DBT: variants seen among roughly 807,000 people sequenced by gnomAD.
DBT encodes lipoamide acyltransferase component of branched-chain alpha-keto acid dehydrogenase complex, mitochondrial.
In DBT, 40 loss-of-function variants were observed where a neutral mutation model predicts 51.3. That is an observed-to-expected ratio of 0.78 (90% CI 0.61 to 1.02). DBT has a LOEUF of 1.02. DBT is among the 50% of genes least tolerant of loss of function. The pLI, the probability that DBT is intolerant of heterozygous loss-of-function variation, is 0.00. For missense variants in DBT, 510 were observed against 580.2 expected, an observed-to-expected ratio of 0.88 and a Z score of 1.24; for synonymous variants, 181 against 190.4, an observed-to-expected ratio of 0.95 and a Z score of 0.41.
chr1:100,190,807 G>C lies in DBT; in HGVS notation c.*5448C>G, dbSNP rs1280724353. The C allele has an allele frequency of 6.6e-6, 1 of 152,326 alleles. No homozygotes were observed. Among genetic ancestry groups the C allele is most frequent in the Non-Finnish European group, 1.5e-5 (1 of 68,032 alleles). 9.4% of individuals were successfully genotyped at this position (152,326 alleles called of 1,614,324 possible). On this transcript the variant is annotated 3_prime_UTR_variant, in exon 11 of 11. Transcript: ENST00000370132. ...GATTGAATCACTTTGTCTGCTCTGA[G>C]GTTATTTGCTTATTATGACAAGCCT...
chr1:100,238,551 A>C (rs1014468157), intron 2 of DBT, among the ~76,000 whole-genome samples: 1 of 150,730 alleles, frequency 6.6e-6, no homozygotes, highest in Non-Finnish European at 1.5e-5. Flanking sequence ...GCTGGAGGGC[A>C]GTGGCATGAT....
At chr1:100,202,253 G>A (rs1378080675) in intron 10 of DBT, among the ~76,000 whole-genome samples, 1 of 151,754 alleles carries the variant, frequency 6.6e-6, no homozygotes, top group African/African-American at 2.4e-5. Context: ...AAAAAGCAGG[G>A]GTTGCAATCC....
intron 1 of DBT, chr1:100,248,981 T>C: frequency 2.5e-6 from 1 of 392,586 alleles, no homozygotes; most frequent in Non-Finnish European, 3.5e-6. Flanking sequence ...AGAAGGAAGA[T>C]ATGATGTCTA....
chr1:100,212,607 G>A lies in DBT; in HGVS notation c.940-1836C>T, dbSNP rs114758784. Reference sequence around the variant, plus strand: ...TAGTTTCTGCCTCATGAGGCTCAGCGCCCAGTAAGTGAGTAAGTGAAGAGA... The same window carrying A: ...TAGTTTCTGCCTCATGAGGCTCAGCACCCAGTAAGTGAGTAAGTGAAGAGA... On this transcript the variant is annotated intron_variant, in intron 7 of 10. Transcript: ENST00000370132. Among the ~76,000 whole-genome samples, 594 of 152,194 alleles carry A rather than the reference G, an allele frequency of 3.9e-3. 7 individuals carry two copies. Among genetic ancestry groups the A allele is most frequent in the African/African-American group, 0.014 (563 of 41,520 alleles).
chr1:100,210,628 A>T (rs1257496515), intron 8 of DBT, 66 bp downstream of exon 8: 1 of 1,605,634 alleles, frequency 6.2e-7, no homozygotes, highest in African/African-American at 1.3e-5. Flanking sequence ...AGAAGTCTCT[A>T]ATCTACAAGC....
intron 7 of DBT, among the ~76,000 whole-genome samples, chr1:100,213,948 C>T (rs1662326906): frequency 1.1e-5 from 1 of 91,530 alleles, no homozygotes; most frequent in South Asian, 3.5e-4. Flanking sequence ...GAGATTCATA[C>T]CAAAAAAAAA....
intron 4 of DBT, among the ~76,000 whole-genome samples, chr1:100,221,601 G>A (rs535176360): frequency 3.0e-4 from 45 of 152,250 alleles, no homozygotes; most frequent in Non-Finnish European, 5.6e-4. Flanking sequence ...TGACTTTAGT[G>A]TTTCTAGCAT....
chr1:100,249,664 G>T, intron 1 of DBT, 106 bp downstream of exon 1: 1 of 1,068,384 alleles, frequency 9.4e-7, no homozygotes, highest in Non-Finnish European at 1.5e-6. Context: ...TCTCCATCAC[G>T]CGTGCCCTGG....
rs745306619 is a variant in DBT, at chr1:100,194,338, G to GT, written c.*1916dup. The GT allele has an allele frequency of 0.013, 1,747 of 137,272 alleles. 9 individuals carry two copies. Among genetic ancestry groups the GT allele is most frequent in the Non-Finnish European group, 0.019 (1,163 of 62,758 alleles). 8.5% of individuals were successfully genotyped at this position (137,272 alleles called of 1,614,324 possible). A position where few individuals can be genotyped will look rare whatever the true frequency, so the allele number is the denominator to read the frequency against. ...GCACACCACCACACTTGGCTTTTTGGTTTTTTTTTTTTTTTCTGAGACAAA... is the reference window on the plus strand; with the variant it reads ...GCACACCACCACACTTGGCTTTTTGGTTTTTTTTTTTTTTTTCTGAGACAAA... On this transcript the variant is annotated 3_prime_UTR_variant, in exon 11 of 11. Transcript: ENST00000370132.
chr1:100,227,587 T>C (rs1663296526), intron 4 of DBT, among the ~76,000 whole-genome samples: 1 of 152,170 alleles, frequency 6.6e-6, no homozygotes, highest in African/African-American at 2.4e-5. Context: ...TTATTTAGTG[T>C]CAAAGCTAAC....
At chr1:100,237,406 A>C (rs1310188511) in intron 2 of DBT, among the ~76,000 whole-genome samples, 1 of 152,206 alleles carries the variant, frequency 6.6e-6, no homozygotes, top group Non-Finnish European at 1.5e-5. Context: ...AGAAATGATC[A>C]GTCCTTGTTG....
chr1:100,244,971 G>A (rs1019836627), intron 1 of DBT, among the ~76,000 whole-genome samples: 5 of 152,108 alleles, frequency 3.3e-5, no homozygotes, highest in African/African-American at 9.6e-5. Context: ...ACCATAGGCA[G>A]TATATGATTA....
chr1:100,218,490 G>A, intron 5 of DBT, 136 bp downstream of exon 5: 2 of 958,932 alleles, frequency 2.1e-6, no homozygotes, highest in Non-Finnish European at 3.2e-6. Flanking sequence ...TGCAACTATT[G>A]CTTTTCAGTA....
At position 100,187,962 on chromosome 1, in the gene DBT, T is replaced by C. The variant is rs1660645393; in HGVS notation, c.*8293A>G. The C allele has an allele frequency of 6.6e-6, 1 of 152,220 alleles. No homozygotes were observed. Among genetic ancestry groups the C allele is most frequent in the African/African-American group, 2.4e-5 (1 of 41,458 alleles). The allele number at this position is 152,220 out of a possible 1,614,324, so 9.4% of individuals were successfully genotyped here. On this transcript the variant is annotated 3_prime_UTR_variant, in exon 11 of 11. Transcript: ENST00000370132. ...TACTGCACTTATATATCATTATTTC[T>C]AATATACACCTAGTTATTAGAGAAA...
At chr1:100,239,539 G>C (rs1021393216) in intron 2 of DBT, among the ~76,000 whole-genome samples, 2 of 141,536 alleles carry the variant, frequency 1.4e-5, no homozygotes, top group Non-Finnish European at 3.1e-5. Flanking sequence ...CACTTTGAGA[G>C]GTGAGACCCT....
At chr1:100,214,064 G>A (rs1270465952) in intron 7 of DBT, among the ~76,000 whole-genome samples, 1 of 152,104 alleles carries the variant, frequency 6.6e-6, no homozygotes, top group Non-Finnish European at 1.5e-5. Flanking sequence ...GCTGCTCAAG[G>A]TTAGCTGATG....
At position 100,235,443 on chromosome 1, in the gene DBT, TA is replaced by T; in HGVS notation, c.243del (p.Glu83AsnfsTer4). The stretch of plus-strand genomic sequence containing the variant: ...TTTTTCAGATTCACTTACCATTCTT[TA>T]ACAGTTACTTCTCTAATCCCTTCTC... ...DIGEGIREVT[V>X]KEWYVKEGDT... is the part of the protein sequence containing the mutation. On this transcript the variant is annotated frameshift_variant, in exon 3 of 11. Coordinates refer to ENST00000370132, the MANE Select transcript of DBT (RefSeq NM_001918.5). LOFTEE classifies it high-confidence loss of function. 6.6e-7 allele frequency: 1 copy of T among 1,524,712 alleles called. No individual in the cohort carries two copies. Among genetic ancestry groups the T allele is most frequent in the Non-Finnish European group, 9.1e-7 (1 of 1,100,994 alleles). 94.4% of individuals were successfully genotyped at this position (1,524,712 alleles called of 1,614,324 possible). A position where few individuals can be genotyped will look rare whatever the true frequency, so the allele number is the denominator to read the frequency against.
At chr1:100,204,520 C>T (rs1661645411) in intron 10 of DBT, among the ~76,000 whole-genome samples, 1 of 152,050 alleles carries the variant, frequency 6.6e-6, no homozygotes, top group Admixed American at 6.6e-5. Flanking sequence ...TGAAAATGGC[C>T]AAACTGCCCA....
At chr1:100,210,343 G>GCT in intron 8 of DBT, among the ~76,000 whole-genome samples, 1 of 146,378 alleles carries the variant, frequency 6.8e-6, no homozygotes, top group Non-Finnish European at 1.5e-5. Flanking sequence ...AGAAGAAGAA[G>GCT]AAGAATAAGA....
Sources: gnomAD v4.1 joint callset for allele counts (sites outside exome capture counted in the v4.1 genomes callset) on GRCh38, gnomAD v4.1.1 for gene constraint, MANE v1.5 for transcripts, NCBI Gene and HGNC (gene_info 2026-07-23, HGNC 2026-07-21) for gene names.